DPYD: variants seen among roughly 807,000 people sequenced by gnomAD.
The protein encoded by DPYD is dihydropyrimidine dehydrogenase.
Under a neutral mutation model 116.2 loss-of-function variants are expected in DPYD, and 109 were observed. That is an observed-to-expected ratio of 0.94 (90% CI 0.80 to 1.10). The LOEUF (loss-of-function observed/expected upper bound fraction) is 1.10, where lower values mean the gene tolerates loss of function less well. Ranked by LOEUF, DPYD falls within the 50% of genes least tolerant of loss-of-function variation. The pLI, the probability that DPYD is intolerant of heterozygous loss-of-function variation, is 0.00. For missense variants in DPYD, 1,302 were observed against 1,254.5 expected (o/e 1.04, Z -0.57); for synonymous variants, 440 against 432.0 (o/e 1.02, Z -0.23).
chr1:97,357,742 T>C (rs889542985), intron 16 of DPYD, among the ~76,000 whole-genome samples: 1 of 152,222 alleles, frequency 6.6e-6, no homozygotes, highest in Non-Finnish European at 1.5e-5. Flanking sequence ...TCTTTGTCCA[T>C]GTGTACAAAT....
intron 14 of DPYD, among the ~76,000 whole-genome samples, chr1:97,412,162 T>A (rs1248703787): frequency 1.3e-5 from 2 of 152,194 alleles, no homozygotes; most frequent in Non-Finnish European, 2.9e-5. Context: ...TGAACTAAAG[T>A]CACATTTAAC....
intron 13 of DPYD, among the ~76,000 whole-genome samples, chr1:97,513,088 T>C (rs1233025043): frequency 1.3e-5 from 2 of 151,790 alleles, no homozygotes; most frequent in African/African-American, 4.8e-5. Flanking sequence ...TTTACTGAGA[T>C]ATCAACTGGC....
At chr1:97,752,309 C>T (rs1664977074) in intron 3 of DPYD, among the ~76,000 whole-genome samples, 2 of 151,914 alleles carry the variant, frequency 1.3e-5, no homozygotes, top group East Asian at 1.9e-4. Flanking sequence ...CACACACACA[C>T]ACACACACAC....
intron 8 of DPYD, among the ~76,000 whole-genome samples, chr1:97,671,831 T>C (rs980854273): frequency 6.6e-6 from 1 of 151,980 alleles, no homozygotes. Flanking sequence ...AACTATATAC[T>C]ATAAATGACA....
chr1:97,690,774 A>G (rs751001784), intron 7 of DPYD, among the ~76,000 whole-genome samples: 4 of 152,100 alleles, frequency 2.6e-5, no homozygotes, highest in Non-Finnish European at 4.4e-5. Flanking sequence ...GCCCAAATCT[A>G]TACTATGTGT....
At chr1:97,596,025 A>C (rs912648139) in intron 8 of DPYD, among the ~76,000 whole-genome samples, 1 of 152,092 alleles carries the variant, frequency 6.6e-6, no homozygotes, top group Non-Finnish European at 1.5e-5. Flanking sequence ...TATCTTAAGA[A>C]AATACTGACA....
At chr1:97,192,101 T>C (rs900383104) in intron 20 of DPYD, among the ~76,000 whole-genome samples, 1 of 151,990 alleles carries the variant, frequency 6.6e-6, no homozygotes, top group African/African-American at 2.4e-5. Context: ...TACACATTAC[T>C]CTTGAAGAAG....
chr1:97,875,295 C>T (rs1671853081), intron 2 of DPYD, among the ~76,000 whole-genome samples: 1 of 151,886 alleles, frequency 6.6e-6, no homozygotes. Flanking sequence ...GAAACCAATA[C>T]AATATCTAGG....
chr1:97,807,720 A>G (rs1034148151), intron 3 of DPYD, among the ~76,000 whole-genome samples: 4 of 152,152 alleles, frequency 2.6e-5, no homozygotes, highest in African/African-American at 9.6e-5. Flanking sequence ...ACCAAATCCA[A>G]TAACATCTAT....
intron 8 of DPYD, among the ~76,000 whole-genome samples, chr1:97,669,680 C>T (rs1659752432): frequency 6.6e-6 from 1 of 152,068 alleles, no homozygotes; most frequent in South Asian, 2.1e-4. Context: ...TCACTTTAAT[C>T]CTGCTAACGA....
intron 18 of DPYD, among the ~76,000 whole-genome samples, chr1:97,239,440 C>T (rs1662172921): frequency 6.6e-6 from 1 of 151,970 alleles, no homozygotes; most frequent in African/African-American, 2.4e-5. Context: ...ATTCATCTGT[C>T]TATCCACAAA....
At chr1:97,747,500 T>C (rs1664623563) in intron 3 of DPYD, among the ~76,000 whole-genome samples, 1 of 152,170 alleles carries the variant, frequency 6.6e-6, no homozygotes. Flanking sequence ...TTGAGGAAGA[T>C]GGCAAGATTC....
At chr1:97,232,084 C>T (rs1391544730) in intron 19 of DPYD, among the ~76,000 whole-genome samples, 2 of 152,102 alleles carry the variant, frequency 1.3e-5, no homozygotes, top group Admixed American at 1.3e-4. Context: ...TTTCTTTAGC[C>T]ATTCTTTTGG....
chr1:97,205,221 T>C (rs1482494894), intron 19 of DPYD, among the ~76,000 whole-genome samples: 1 of 152,090 alleles, frequency 6.6e-6, no homozygotes, highest in Non-Finnish European at 1.5e-5. Context: ...TTCTATGGTT[T>C]TTGACAAATG....
intron 12 of DPYD, chr1:97,545,955 T>C: frequency 8.2e-7 from 1 of 1,223,946 alleles, no homozygotes; most frequent in East Asian, 2.3e-5. Context: ...TCTACTGCAC[T>C]TCCTTGAAGA....
chr1:97,658,616 A>G (rs929500979), intron 8 of DPYD, among the ~76,000 whole-genome samples: 3 of 152,118 alleles, frequency 2.0e-5, no homozygotes, highest in African/African-American at 7.2e-5. Flanking sequence ...CATTTGCCCA[A>G]GTTCAATCTC....
chr1:97,288,206 A>G (rs1038225930), intron 18 of DPYD, among the ~76,000 whole-genome samples: 3 of 150,510 alleles, frequency 2.0e-5, no homozygotes, highest in African/African-American at 7.3e-5. Context: ...GTGACCTACA[A>G]AGAGACTTAG....
intron 4 of DPYD, among the ~76,000 whole-genome samples, chr1:97,727,384 A>G (rs190468348): frequency 6.6e-6 from 1 of 151,964 alleles, no homozygotes; most frequent in East Asian, 1.9e-4. Flanking sequence ...TTTGAAAAAT[A>G]TGCATGAACC....
intron 16 of DPYD, among the ~76,000 whole-genome samples, chr1:97,317,065 C>T (rs1299432495): frequency 6.6e-6 from 1 of 151,956 alleles, no homozygotes. Flanking sequence ...AAATCTTCTA[C>T]ATTAAAGCAT....
Sources: gnomAD v4.1 joint callset for allele counts (sites outside exome capture counted in the v4.1 genomes callset) on GRCh38, gnomAD v4.1.1 for gene constraint, MANE v1.5 for transcripts, NCBI Gene and HGNC (gene_info 2026-07-23, HGNC 2026-07-21) for gene names.